RBFOX1: variants seen among roughly 807,000 people sequenced by gnomAD.
RBFOX1 encodes the protein RNA binding fox-1 homolog 1.
Under a neutral mutation model 57.7 loss-of-function variants are expected in RBFOX1, and 8 were observed. That is an observed-to-expected ratio of 0.14 (90% CI 0.08 to 0.25). The LOEUF (loss-of-function observed/expected upper bound fraction) is 0.25, where lower values mean the gene tolerates loss of function less well. Ranked by LOEUF, RBFOX1 falls within the 10% of genes least tolerant of loss-of-function variation. RBFOX1 has a pLI of 1.00. For synonymous variants in RBFOX1, 326 were observed against 222.4 expected (o/e 1.47, Z -4.15); for missense variants, 611 against 548.5 (o/e 1.11, Z -1.14).
At chr16:7,101,137 C>A (rs142127445) in intron 4 of RBFOX1, among the ~76,000 whole-genome samples, 43 of 152,230 alleles carry the variant, frequency 2.8e-4, no homozygotes, top group Non-Finnish European at 5.4e-4. Context: ...ACGATGCCTG[C>A]CGTTGGTTGC....
At chr16:6,512,299 A>AAAAAAAAAAT (rs71145240) in intron 2 of RBFOX1, among the ~76,000 whole-genome samples, 1 of 145,822 alleles carries the variant, frequency 6.9e-6, no homozygotes, top group South Asian at 2.2e-4. Context: ...AAAAAAAAAA[A>AAAAAAAAAAT]GGTAAGAGAA....
At chr16:6,291,304 A>G (rs376267823) in intron 1 of RBFOX1, among the ~76,000 whole-genome samples, 9 of 152,284 alleles carry the variant, frequency 5.9e-5, no homozygotes, top group African/African-American at 2.2e-4. Flanking sequence ...GCTATTCAAG[A>G]TGGAGTTGCT....
At position 7,489,253 on chromosome 16, in the gene RBFOX1, A is replaced by T. The variant is rs116378634; in HGVS notation, c.28-28894A>T. ...CCTTTTTTTAAATTCAAGAGTATTA[A>T]TGGTTGAGTAATGTAAAAGCAAGTT... On this transcript the variant is annotated intron_variant, in intron 4 of 15. Transcript: ENST00000550418. Among the ~76,000 whole-genome samples the T allele has an allele frequency of 9.8e-3, 1,496 of 152,242 alleles. 25 individuals carry two copies. The highest frequency in any genetic ancestry group is 0.035 in the African/African-American group (1,444 of 41,538).
In RBFOX1 at chr16:7,396,242, C is replaced by G. The variant is rs147836423; in HGVS notation, c.28-121905C>G. Among the ~76,000 whole-genome samples, 8 of 152,284 alleles carry G rather than the reference C, an allele frequency of 5.3e-5. No individual in the cohort carries two copies. In the South Asian group the frequency reaches 1.2e-3, roughly 24 times the overall value. ...AGCAAGGCTGTGGCAGTACAACTGT[C>G]TACCTGTCTACACCGGCTGCTCCTT... On this transcript the variant is annotated intron_variant, in intron 4 of 15. Transcript: ENST00000550418.
intron 4 of RBFOX1, among the ~76,000 whole-genome samples, chr16:7,418,917 G>C (rs1357089648): frequency 6.6e-6 from 1 of 151,484 alleles, no homozygotes; most frequent in East Asian, 1.9e-4. Flanking sequence ...GTTTTGTTTT[G>C]TTTTTGAGAA....
At chr16:6,102,196 T>C (rs1179494503) in intron 1 of RBFOX1, among the ~76,000 whole-genome samples, 1 of 123,100 alleles carries the variant, frequency 8.1e-6, no homozygotes, top group Non-Finnish European at 1.7e-5. Context: ...AAAAAAAAAA[T>C]GCACCCAGAA....
intron 4 of RBFOX1, among the ~76,000 whole-genome samples, chr16:7,245,357 A>T (rs2094247872): frequency 6.6e-6 from 1 of 152,088 alleles, no homozygotes. Flanking sequence ...ATACATGTAC[A>T]GGATGTGCAG....
intron 2 of RBFOX1, among the ~76,000 whole-genome samples, chr16:6,462,377 C>A (rs2153066562): frequency 6.6e-6 from 1 of 152,242 alleles, no homozygotes; most frequent in Non-Finnish European, 1.5e-5. Context: ...CAGTAACTTG[C>A]CTTTTTTGCA....
At chr16:5,243,518 G>A (rs1173639469) in intron 1 of RBFOX1, among the ~76,000 whole-genome samples, 13 of 152,206 alleles carry the variant, frequency 8.5e-5, no homozygotes, top group South Asian at 8.3e-4. Context: ...GGGCCGTCCC[G>A]TGTATTGTAG....
chr16:6,008,418 C>T (rs540670184), intron 4 of RBFOX1, among the ~76,000 whole-genome samples: 2 of 152,190 alleles, frequency 1.3e-5, no homozygotes, highest in African/African-American at 4.8e-5. Flanking sequence ...GATACTAAGA[C>T]AGTAGCTTTA....
In RBFOX1 at chr16:7,062,334, AAAAAG is replaced by A. The variant is rs1173886137; in HGVS notation, c.27+10246_27+10250del. On this transcript the variant is annotated intron_variant, in intron 4 of 15. Coordinates refer to ENST00000550418, the MANE Select transcript of RBFOX1 (RefSeq NM_018723.4). ...CTCCATCTCAAAAAAAAAAAAAAAA[AAAAAG>A]AAAAGAAAAAAGGAAAAATGGTAAT... Among the ~76,000 whole-genome samples the A allele has an allele frequency of 3.0e-3, 431 of 143,604 alleles. 6 individuals carry two copies. The highest frequency in any genetic ancestry group is 7.1e-3 in the Middle Eastern group (2 of 280). The allele number at this position is 143,604 out of a possible 152,430, so 94.2% of individuals were successfully genotyped here. A position where few individuals can be genotyped will look rare whatever the true frequency, so the allele number is the denominator to read the frequency against.
chr16:5,995,317 T>C lies in RBFOX1; in HGVS notation c.351+127982T>C, dbSNP rs181556165. On this transcript the variant is annotated intron_variant, in intron 4 of 19. Transcript: ENST00000641259. ...ATATCTTAGAGCCCAAATCCACATATTGTCTTGAAATAAATACCTGAATAG... is the reference window on the plus strand; with the variant it reads ...ATATCTTAGAGCCCAAATCCACATACTGTCTTGAAATAAATACCTGAATAG... Among the ~76,000 whole-genome samples the C allele has an allele frequency of 5.3e-5, 8 of 152,304 alleles. No homozygotes were observed. In the East Asian group the frequency reaches 1.4e-3, roughly 26 times the overall value.
At chr16:6,166,491 C>T (rs949779013) in intron 1 of RBFOX1, among the ~76,000 whole-genome samples, 2 of 152,132 alleles carry the variant, frequency 1.3e-5, no homozygotes, top group African/African-American at 4.8e-5. Flanking sequence ...TCCCTCCTTC[C>T]ATCACATATC....
chr16:7,507,437 A>G (rs944466395), intron 4 of RBFOX1, among the ~76,000 whole-genome samples: 1 of 152,148 alleles, frequency 6.6e-6, no homozygotes, highest in Non-Finnish European at 1.5e-5. Flanking sequence ...ATTTTTCTCC[A>G]GGATTGTGTA....
intron 3 of RBFOX1, among the ~76,000 whole-genome samples, chr16:6,768,169 CCT>C (rs1305564026): frequency 6.6e-6 from 1 of 151,842 alleles, no homozygotes; most frequent in Non-Finnish European, 1.5e-5. Flanking sequence ...TGCACTTCAG[CCT>C]GGGCAATAGA....
chr16:7,230,842 C>T (rs546929330), intron 4 of RBFOX1, among the ~76,000 whole-genome samples: 29 of 152,310 alleles, frequency 1.9e-4, no homozygotes, highest in African/African-American at 7.0e-4. Context: ...GCTGATACTG[C>T]AGAGGGCAGC....
intron 4 of RBFOX1, among the ~76,000 whole-genome samples, chr16:7,420,928 C>CATATATATACAT (rs2098535945): frequency 1.4e-5 from 2 of 146,334 alleles, no homozygotes; most frequent in African/African-American, 5.1e-5. Context: ...TATATATACA[C>CATATATATACAT]ATATATATAT....
intron 2 of RBFOX1, among the ~76,000 whole-genome samples, chr16:6,334,751 G>A (rs780670673): frequency 2.6e-5 from 4 of 152,110 alleles, no homozygotes; most frequent in Non-Finnish European, 5.9e-5. Flanking sequence ...GAACTCAGCC[G>A]GAAAGTGCTG....
In RBFOX1 at chr16:7,458,358, C is replaced by T. The variant is rs530564033; in HGVS notation, c.28-59789C>T. ...GGCCAGTCCACTTTGTGCCCAGATG[C>T]TCACTTTCCCATGCTGTCCTGGAGC... On this transcript the variant is annotated intron_variant, in intron 4 of 15. Transcript: ENST00000550418. 1.8e-4 allele frequency among the ~76,000 whole-genome samples: 27 copies of T among 152,310 alleles called. No individual in the cohort carries two copies. The South Asian group carries it at 3.1e-3, about 18-fold the overall frequency.
Sources: allele counts gnomAD v4.1 joint callset (sites outside exome capture counted in the v4.1 genomes callset), GRCh38; gene constraint gnomAD v4.1.1; transcripts MANE v1.5; gene names NCBI Gene and HGNC (gene_info 2026-07-23, HGNC 2026-07-21).